The following MGST1 variants were observed in gnomAD, a reference collection of about 807,000 sequenced individuals.
MGST1 encodes the protein glutathione S-transferase 12.
A neutral mutation model predicts 8.9 loss-of-function variants in MGST1; 5 were observed. The observed-to-expected ratio is 0.56, with a 90% CI of 0.29 to 1.19. MGST1 has a LOEUF of 1.19. MGST1 is among the 50% of genes most tolerant of loss of function. The pLI, the probability that MGST1 is intolerant of heterozygous loss-of-function variation, is 0.08. For missense variants in MGST1, 182 were observed against 187.4 expected, an observed-to-expected ratio of 0.97 and a Z score of 0.17; for synonymous variants, 54 against 67.8, an observed-to-expected ratio of 0.80 and a Z score of 1.00.
intron 4 of MGST1, among the ~76,000 whole-genome samples, chr12:16,447,981 TTCTGATGAATACACTGA>T (rs1941094706): frequency 6.6e-6 from 1 of 151,930 alleles, no homozygotes; most frequent in African/African-American, 2.4e-5. Flanking sequence ...ATCTTGTATG[TTCTGATGAATACACTGA>T]GTAGGCATTG....
rs114377704 is a variant in MGST1 at position 16,537,397 on chromosome 12, T to G, written n.483-52131T>G. ...ATCTGTGGCTTTTCCAGTAGCATGG[T>G]GCAAGCTGTGGGATCTACCATTCTG... On this transcript the variant is annotated intron_variant and non_coding_transcript_variant, in intron 4 of 4. Transcript: ENST00000538857. This position sits in a 1 kb window ranked among gnomAD's most constrained non-coding sequence, Gnocchi z 4.6. Among the ~76,000 whole-genome samples, 527 of 152,274 alleles carry G rather than the reference T, an allele frequency of 3.5e-3. 4 individuals are homozygous for G. The highest frequency in any genetic ancestry group is 0.012 in the African/African-American group (519 of 41,560).
chr12:16,479,384 G>A (rs1252277832), intron 4 of MGST1, among the ~76,000 whole-genome samples: 3 of 151,096 alleles, frequency 2.0e-5, no homozygotes, highest in Non-Finnish European at 3.0e-5. Context: ...ACAGGTGCCC[G>A]CCACCACGCC....
rs1334584900 is a variant in MGST1 at position 16,347,769 on chromosome 12, A to G, written c.-23+59A>G. 1.3e-5 allele frequency: 2 copies of G among 152,298 alleles called. No homozygotes were observed. The highest frequency in any genetic ancestry group is 4.8e-5 in the African/African-American group (2 of 41,412). The allele number at this position is 152,298 out of a possible 1,614,324, so 9.4% of individuals were successfully genotyped here. On this transcript the variant is annotated intron_variant, in intron 1 of 3. Coordinates refer to ENST00000396210, the MANE Select transcript of MGST1 (RefSeq NM_020300.5). This position sits in a 1 kb window ranked among gnomAD's most constrained non-coding sequence, Gnocchi z 4.0. ...CAAAGGGTGGCAGGCAGGGAGGGCCAGGGTGGGTGGCAGATGGAAGACTTG... is the reference window on the plus strand; with the variant it reads ...CAAAGGGTGGCAGGCAGGGAGGGCCGGGGTGGGTGGCAGATGGAAGACTTG...
At chr12:16,373,901 A>G (rs1188827868) in intron 3 of MGST1, among the ~76,000 whole-genome samples, 1 of 152,182 alleles carries the variant, frequency 6.6e-6, no homozygotes, top group Non-Finnish European at 1.5e-5. Flanking sequence ...ATTGTCTTCT[A>G]TGAAAACATA....
At chr12:16,353,140 TCTC>T (rs1456771229) in intron 1 of MGST1, among the ~76,000 whole-genome samples, 1 of 152,042 alleles carries the variant, frequency 6.6e-6, no homozygotes, top group Non-Finnish European at 1.5e-5. Flanking sequence ...TTCATGCTAT[TCTC>T]CTGCTTCAGC....
chr12:16,488,395 A>C (rs1941414185), intron 4 of MGST1, among the ~76,000 whole-genome samples: 1 of 152,038 alleles, frequency 6.6e-6, no homozygotes, highest in African/African-American at 2.4e-5. Context: ...AGTGATCTTC[A>C]ATTCCTCAGT....
At chr12:16,422,584 T>C (rs1940848217) in intron 1 of MGST1, among the ~76,000 whole-genome samples, 2 of 152,208 alleles carry the variant, frequency 1.3e-5, no homozygotes, top group South Asian at 4.1e-4. Context: ...GTACTTGTTC[T>C]TCTGCCTCTG....
chr12:16,472,014 T>G (rs754697838), intron 4 of MGST1, among the ~76,000 whole-genome samples: 1 of 152,104 alleles, frequency 6.6e-6, no homozygotes, highest in Non-Finnish European at 1.5e-5. Flanking sequence ...CATTTTGAAC[T>G]GTTTGGTGCC....
At chr12:16,545,893 G>GA (rs1478821591) in intron 4 of MGST1, among the ~76,000 whole-genome samples, 3 of 145,076 alleles carry the variant, frequency 2.1e-5, no homozygotes, top group Admixed American at 6.6e-5. Flanking sequence ...CCAGGAGCTA[G>GA]AAAAAATAAT....
intron 1 of MGST1, chr12:16,400,243 A>G: frequency 2.4e-6 from 2 of 847,854 alleles, no homozygotes; most frequent in South Asian, 2.7e-5. Context: ...CTTCCCAAAC[A>G]TGATGGCATT....
chr12:16,505,430 G>C (rs765440577), intron 4 of MGST1, among the ~76,000 whole-genome samples: 5 of 151,996 alleles, frequency 3.3e-5, no homozygotes, highest in Non-Finnish European at 5.9e-5. Flanking sequence ...CTCCCTGTAA[G>C]CTTCTCTTAC....
chr12:16,501,649 A>C lies in MGST1; in HGVS notation n.483-87879A>C, dbSNP rs957829113. Among the ~76,000 whole-genome samples, 123 of 152,282 alleles carry C rather than the reference A, an allele frequency of 8.1e-4. 1 individual carries two copies. Among genetic ancestry groups the C allele is most frequent in the African/African-American group, 2.8e-3 (116 of 41,558 alleles). On this transcript the variant is annotated intron_variant and non_coding_transcript_variant, in intron 4 of 4. Coordinates refer to the MGST1 transcript ENST00000538857. The stretch of plus-strand genomic sequence containing the variant: ...AAATTTCATTTGATGTGTCCCCTAT[A>C]AGGACTAAAGGAGGGCATTTAGTTT...
At chr12:16,441,711 T>A (rs896948069), downstream of MGST1, among the ~76,000 whole-genome samples, 2 of 151,838 alleles carry the variant, frequency 1.3e-5, no homozygotes, top group African/African-American at 2.4e-5. Context: ...TCTTGGTGTA[T>A]CATCACAGTT....
chr12:16,349,325 C>T (rs755218580), intron 1 of MGST1, among the ~76,000 whole-genome samples: 8 of 151,996 alleles, frequency 5.3e-5, no homozygotes, highest in Non-Finnish European at 1.0e-4. Context: ...AAGGGCGTTC[C>T]TCAACTGAGA....
chr12:16,491,902 G>A (rs879412040), intron 4 of MGST1, among the ~76,000 whole-genome samples: 1 of 152,042 alleles, frequency 6.6e-6, no homozygotes, highest in Non-Finnish European at 1.5e-5. Context: ...GTAAGGCCAC[G>A]TTAGTCTATG....
rs183278423 is a variant in MGST1 at position 16,362,009 on chromosome 12, C to T, written c.222-1786C>T. Among the ~76,000 whole-genome samples the T allele has an allele frequency of 6.6e-6, 1 of 152,250 alleles. No homozygotes were observed. Among genetic ancestry groups the T allele is most frequent in the East Asian group, 1.9e-4 (1 of 5,168 alleles). ...TGCGTAACACAGGCGTAGAAGTGGA[C>T]ATTGTTTTCCAGAGAGTCTCCTTTT... is the stretch of plus-strand genomic sequence containing the variant. On this transcript the variant is annotated intron_variant, in intron 3 of 3. Coordinates refer to ENST00000396210, the MANE Select transcript of MGST1 (RefSeq NM_020300.5). This position sits in a 1 kb window ranked among gnomAD's most constrained non-coding sequence, Gnocchi z 4.4.
intron 4 of MGST1, among the ~76,000 whole-genome samples, chr12:16,556,094 GCTTT>G (rs1277225522): frequency 6.6e-6 from 1 of 151,944 alleles, no homozygotes; most frequent in African/African-American, 2.4e-5. Context: ...CTAGCACAGT[GCTTT>G]ATTCTTAAAA....
chr12:16,558,272 A>G (rs535507363), intron 4 of MGST1, among the ~76,000 whole-genome samples: 1 of 152,182 alleles, frequency 6.6e-6, no homozygotes, highest in Non-Finnish European at 1.5e-5. Flanking sequence ...CTTTTAGAAG[A>G]ATGAGACATG....
At chr12:16,408,717 TTC>T (rs1940716720) in intron 1 of MGST1, among the ~76,000 whole-genome samples, 1 of 152,186 alleles carries the variant, frequency 6.6e-6, no homozygotes, top group Non-Finnish European at 1.5e-5. Context: ...GATTTAAAAA[TTC>T]TCTCTTTTTA....
Sources: allele counts gnomAD v4.1 joint callset (sites outside exome capture counted in the v4.1 genomes callset), GRCh38; gene constraint gnomAD v4.1.1; non-coding constraint Gnocchi (gnomAD v3.1); transcripts MANE v1.5; gene names NCBI Gene and HGNC (gene_info 2026-07-23, HGNC 2026-07-21).